PRIM2: variants seen among roughly 807,000 people sequenced by gnomAD.
The protein encoded by PRIM2 is DNA primase large subunit.
A neutral mutation model predicts 67.3 loss-of-function variants in PRIM2; 39 were observed. The observed-to-expected ratio is 0.58, with a 90% CI of 0.45 to 0.76. PRIM2 has a LOEUF of 0.76. Among genes scored for constraint, PRIM2 ranks in the 30% least tolerant of loss-of-function variants. PRIM2 has a pLI of 0.00. For synonymous variants in PRIM2, 143 were observed against 198.7 expected (o/e 0.72, Z 2.36); for missense variants, 398 against 598.7 (o/e 0.66, Z 3.50).
At chr6:57,482,282 G>A (rs1773647895) in intron 7 of PRIM2, among the ~76,000 whole-genome samples, 1 of 152,016 alleles carries the variant, frequency 6.6e-6, no homozygotes, top group Admixed American at 6.6e-5. Context: ...TGAGTCTGTA[G>A]CTTAGAAAGG....
At chr6:57,258,027 T>C in the PRIM2 span, among the ~76,000 whole-genome samples, 2 of 152,206 alleles carry the variant, frequency 1.3e-5, no homozygotes, top group South Asian at 2.1e-4. Context: ...TCTTTTGTAA[T>C]GTTTCAGGAA....
chr6:57,575,354 G>A (rs1197474192), intron 10 of PRIM2, among the ~76,000 whole-genome samples: 1 of 152,170 alleles, frequency 6.6e-6, no homozygotes, highest in Admixed American at 6.5e-5. Flanking sequence ...AAGGGAGGCT[G>A]GTAGACTGCT....
chr6:57,613,102 TG>T (rs1582020110), intron 12 of PRIM2, among the ~76,000 whole-genome samples: 2 of 151,982 alleles, frequency 1.3e-5, no homozygotes, highest in African/African-American at 4.8e-5. Context: ...TTTTTTTTAA[TG>T]GGGGGAGAAA....
Position 57,407,400 on chromosome 6 carries a change from T to C in PRIM2, c.693+25232T>C, listed in dbSNP as rs527404381. ...CTTGTAGATGGCTGAAAAAATGACATACTGAAAGTCACAGATTTTTTTTTT... is the reference window on the plus strand; with the variant it reads ...CTTGTAGATGGCTGAAAAAATGACACACTGAAAGTCACAGATTTTTTTTTT... On this transcript the variant is annotated intron_variant, in intron 7 of 13. Transcript: ENST00000615550. Among the ~76,000 whole-genome samples the C allele has an allele frequency of 9.9e-5, 15 of 152,148 alleles. No homozygotes were observed. The South Asian group carries it at 2.9e-3, about 29-fold the overall frequency.
intron 5 of PRIM2, among the ~76,000 whole-genome samples, chr6:57,360,137 C>A (rs1295112137): frequency 2.0e-5 from 3 of 152,088 alleles, no homozygotes; most frequent in Non-Finnish European, 4.4e-5. Context: ...GTGGACAGTC[C>A]TTTTTGCTTG....
At chr6:57,351,852 A>G (rs1405870843) in intron 5 of PRIM2, among the ~76,000 whole-genome samples, 1 of 152,144 alleles carries the variant, frequency 6.6e-6, no homozygotes, top group Non-Finnish European at 1.5e-5. Flanking sequence ...GGGAGAGAGG[A>G]TGAATAAGAT....
chr6:57,579,467 G>C (rs1448456867), intron 10 of PRIM2, among the ~76,000 whole-genome samples: 2 of 152,096 alleles, frequency 1.3e-5, no homozygotes, highest in Non-Finnish European at 2.9e-5. Context: ...TGTCTGTTAT[G>C]TAGTAATGCT....
At chr6:57,269,200 A>T in the PRIM2 span, among the ~76,000 whole-genome samples, 2 of 151,622 alleles carry the variant, frequency 1.3e-5, no homozygotes, top group South Asian at 4.2e-4. Flanking sequence ...ATCCCTGAGG[A>T]ATCGCCACAC....
At chr6:57,240,694 A>G in the PRIM2 span, among the ~76,000 whole-genome samples, 1 of 152,156 alleles carries the variant, frequency 6.6e-6, no homozygotes, top group African/African-American at 2.4e-5. Flanking sequence ...GAGATAATTG[A>G]TAGAATACAT....
intron 7 of PRIM2, among the ~76,000 whole-genome samples, chr6:57,418,383 GTTTTTTTTTT>G (rs34491627): frequency 0.025 from 1,160 of 47,280 alleles, 76 homozygotes; most frequent in African/African-American, 0.057. Context: ...TATGTGTGTG[GTTTTTTTTTT>G]TTTTTTTTTT....
chr6:57,623,933 A>G (rs1437806882), intron 12 of PRIM2, among the ~76,000 whole-genome samples: 1 of 152,216 alleles, frequency 6.6e-6, no homozygotes, highest in Non-Finnish European at 1.5e-5. Context: ...TAGCATATCC[A>G]GGAGATATGA....
intron 7 of PRIM2, among the ~76,000 whole-genome samples, chr6:57,445,796 C>T (rs1369486339): frequency 6.6e-6 from 1 of 152,164 alleles, no homozygotes; most frequent in Non-Finnish European, 1.5e-5. Context: ...GGTAGTTACT[C>T]ATTCTTAGAA....
chr6:57,402,005 G>A (rs1770727914), intron 7 of PRIM2, among the ~76,000 whole-genome samples: 1 of 152,212 alleles, frequency 6.6e-6, no homozygotes, highest in African/African-American at 2.4e-5. Flanking sequence ...GGGAGTTGCA[G>A]AGCTGCTACT....
chr6:57,395,580 C>G (rs1418082020), intron 7 of PRIM2, among the ~76,000 whole-genome samples: 1 of 151,968 alleles, frequency 6.6e-6, no homozygotes, highest in African/African-American at 2.4e-5. Flanking sequence ...TGCTAATGGT[C>G]TATTAATTGT....
Position 57,518,230 on chromosome 6 carries a change from A to G in PRIM2, c.761+10776A>G, listed in dbSNP as rs1774527544. On this transcript the variant is annotated intron_variant, in intron 8 of 13. Coordinates refer to ENST00000615550, the MANE Select transcript of PRIM2 (RefSeq NM_000947.5). ...ACTGCATACATACAATCTACCAGGA[A>G]CAGTCATCAAATGTGTACAGTGGTG... 8.5e-5 allele frequency among the ~76,000 whole-genome samples: 13 copies of G among 152,308 alleles called. No individual in the cohort carries two copies. The South Asian group carries it at 2.7e-3, about 32-fold the overall frequency.
At chr6:57,519,954 C>T (rs1554348717) in intron 8 of PRIM2, among the ~76,000 whole-genome samples, 1 of 152,220 alleles carries the variant, frequency 6.6e-6, no homozygotes, top group Non-Finnish European at 1.5e-5. Context: ...CCCGCAACAA[C>T]TTATTCAAAT....
At chr6:57,234,315 C>T in the PRIM2 span, among the ~76,000 whole-genome samples, 1 of 152,086 alleles carries the variant, frequency 6.6e-6, no homozygotes, top group Non-Finnish European at 1.5e-5. Context: ...GTATCTACTC[C>T]AAGTTGTGTT....
At chr6:57,334,735 T>G (rs578202139) in intron 5 of PRIM2, among the ~76,000 whole-genome samples, 1 of 152,166 alleles carries the variant, frequency 6.6e-6, no homozygotes, top group Non-Finnish European at 1.5e-5. Context: ...TATAGAGTGC[T>G]TAGTACTGTG....
chr6:57,556,084 A>T (rs1484470743), intron 10 of PRIM2, among the ~76,000 whole-genome samples: 1 of 152,278 alleles, frequency 6.6e-6, no homozygotes, highest in Non-Finnish European at 1.5e-5. Context: ...TACAGCTAAC[A>T]AGAGAGGGGA....
Sources: allele counts gnomAD v4.1 joint callset (sites outside exome capture counted in the v4.1 genomes callset), GRCh38; gene constraint gnomAD v4.1.1; transcripts MANE v1.5; gene names NCBI Gene and HGNC (gene_info 2026-07-23, HGNC 2026-07-21).